Variants in GABBR2 observed in about 807,000 individuals in gnomAD.
The protein encoded by GABBR2 is gamma-aminobutyric acid type B receptor subunit 2.
A neutral mutation model predicts 105.6 loss-of-function variants in GABBR2; 23 were observed. The ratio of observed to expected loss-of-function variants is 0.22; its 90% CI spans 0.16 to 0.31. The LOEUF (loss-of-function observed/expected upper bound fraction) is 0.31. Ranked by LOEUF, GABBR2 falls within the 10% of genes least tolerant of loss-of-function variation. The pLI, the probability that GABBR2 is intolerant of heterozygous loss-of-function variation, is 1.00. For missense variants in GABBR2, 734 were observed against 1,245.5 expected (o/e 0.59, Z 6.18); for synonymous variants, 478 against 499.7 (o/e 0.96, Z 0.58).
At chr9:98,436,929 C>T (rs1256604687) in intron 7 of GABBR2, among the ~76,000 whole-genome samples, 1 of 152,094 alleles carries the variant, frequency 6.6e-6, no homozygotes, top group South Asian at 2.1e-4. Flanking sequence ...TTGGCACTCA[C>T]ATGGGTCGGT....
intron 7 of GABBR2, among the ~76,000 whole-genome samples, chr9:98,422,695 T>C (rs904010940): frequency 1.3e-5 from 2 of 152,018 alleles, no homozygotes; most frequent in Non-Finnish European, 2.9e-5. Context: ...TGTGCCATGC[T>C]GGTGTGCTGC....
intron 1 of GABBR2, among the ~76,000 whole-genome samples, chr9:98,670,721 G>A (rs561040487): frequency 6.6e-6 from 1 of 152,306 alleles, no homozygotes; most frequent in South Asian, 2.1e-4. Context: ...AATGAAAGAA[G>A]TCAGTCACAA....
intron 1 of GABBR2, among the ~76,000 whole-genome samples, chr9:98,651,179 T>C (rs1212921694): frequency 6.7e-6 from 1 of 149,836 alleles, no homozygotes; most frequent in African/African-American, 2.5e-5. Flanking sequence ...AGTGTTACTC[T>C]GTCACCCAGG....
intron 13 of GABBR2, among the ~76,000 whole-genome samples, chr9:98,349,349 G>GTTTTTTTTTTTTT (rs1182072320): frequency 4.1e-5 from 1 of 24,218 alleles, no homozygotes. Context: ...TTGAAGTTTT[G>GTTTTTTTTTTTTT]TTTTTTTTTT....
intron 3 of GABBR2, among the ~76,000 whole-genome samples, chr9:98,527,306 A>G (rs1221917340): frequency 6.6e-6 from 1 of 152,008 alleles, no homozygotes; most frequent in Non-Finnish European, 1.5e-5. Context: ...CTGAGTTGGA[A>G]TTAGAACTCA....
chr9:98,562,337 T>C (rs1160594554), intron 2 of GABBR2, among the ~76,000 whole-genome samples: 1 of 152,224 alleles, frequency 6.6e-6, no homozygotes, highest in African/African-American at 2.4e-5. Flanking sequence ...AGACAATGCA[T>C]GTTCCTTGCT....
At chr9:98,406,270 C>G (rs1832488415) in intron 7 of GABBR2, 129 bp from the exon 8 acceptor site, 2 of 555,872 alleles carry the variant, frequency 3.6e-6, no homozygotes, top group Non-Finnish European at 6.3e-6. Flanking sequence ...AAAACAGATT[C>G]CCGCTGGACC....
chr9:98,379,055 T>C (rs1382382433), intron 11 of GABBR2, among the ~76,000 whole-genome samples: 1 of 152,054 alleles, frequency 6.6e-6, no homozygotes, highest in Admixed American at 6.5e-5. Context: ...TCCTCAGAGG[T>C]CCCGTCTGTG....
At chr9:98,329,168 G>A (rs1414697280) in intron 13 of GABBR2, among the ~76,000 whole-genome samples, 1 of 152,208 alleles carries the variant, frequency 6.6e-6, no homozygotes, top group African/African-American at 2.4e-5. Context: ...ACCAAGGAAG[G>A]GCAGAGCAAG....
intron 1 of GABBR2, among the ~76,000 whole-genome samples, chr9:98,629,649 T>A (rs1379047166): frequency 1.3e-5 from 2 of 152,220 alleles, no homozygotes; most frequent in Non-Finnish European, 2.9e-5. Context: ...ATGAAAGCCA[T>A]GCTGTATGGA....
chr9:98,666,507 C>G (rs1830336590), intron 1 of GABBR2, among the ~76,000 whole-genome samples: 1 of 152,290 alleles, frequency 6.6e-6, no homozygotes, highest in South Asian at 2.1e-4. Flanking sequence ...CCTGTGGGTA[C>G]TAAGCACTTG....
At chr9:98,357,595 T>C (rs892765558) in intron 13 of GABBR2, among the ~76,000 whole-genome samples, 2 of 152,108 alleles carry the variant, frequency 1.3e-5, no homozygotes, top group African/African-American at 4.8e-5. Flanking sequence ...TGAGCCGTGA[T>C]CTTGCCATTG....
At chr9:98,629,936 A>G (rs79954397) in intron 1 of GABBR2, among the ~76,000 whole-genome samples, 1,856 of 152,292 alleles carry the variant, frequency 0.012, 20 homozygotes, top group South Asian at 0.018. Context: ...CATTTTCTCC[A>G]ATCTACAAGG....
intron 3 of GABBR2, among the ~76,000 whole-genome samples, chr9:98,502,638 C>T (rs1827427108): frequency 6.6e-6 from 1 of 152,200 alleles, no homozygotes; most frequent in African/African-American, 2.4e-5. Flanking sequence ...TATGAATCCC[C>T]CCGCTTGGCA....
chr9:98,495,085 AG>A (rs1194944915), intron 4 of GABBR2, among the ~76,000 whole-genome samples: 25 of 152,178 alleles, frequency 1.6e-4, no homozygotes, highest in African/African-American at 6.0e-4. Context: ...GTGACACTGC[AG>A]GGGGGAGACC....
At chr9:98,613,215 G>A (rs1425489849) in intron 1 of GABBR2, among the ~76,000 whole-genome samples, 1 of 152,182 alleles carries the variant, frequency 6.6e-6, no homozygotes. Context: ...AAGGTGAGAG[G>A]ATCACTTGAA....
At chr9:98,360,737 A>G (rs1371419293) in intron 13 of GABBR2, among the ~76,000 whole-genome samples, 2 of 152,330 alleles carry the variant, frequency 1.3e-5, no homozygotes, top group African/African-American at 2.4e-5. Context: ...ATCAGACTGC[A>G]CAGGTTTACC....
At chr9:98,301,661 TAACAC>T (rs1370412324) in intron 16 of GABBR2, among the ~76,000 whole-genome samples, 1 of 152,120 alleles carries the variant, frequency 6.6e-6, no homozygotes, top group Non-Finnish European at 1.5e-5. Flanking sequence ...CCGGGAAAAA[TAACAC>T]AACATTTAAG....
At chr9:98,466,260 A>C (rs1826552367) in intron 6 of GABBR2, among the ~76,000 whole-genome samples, 1 of 152,212 alleles carries the variant, frequency 6.6e-6, no homozygotes, top group Non-Finnish European at 1.5e-5. Flanking sequence ...AGATACTAAA[A>C]AAAGCTGTGG....
Sources: allele counts gnomAD v4.1 joint callset (sites outside exome capture counted in the v4.1 genomes callset), GRCh38; gene constraint gnomAD v4.1.1; transcripts MANE v1.5; gene names NCBI Gene and HGNC (gene_info 2026-07-23, HGNC 2026-07-21).